Variants in C2orf80 observed in about 807,000 individuals in gnomAD.
C2orf80 encodes the protein chromosome 2 open reading frame 80.
In C2orf80, 28 loss-of-function variants were observed where a neutral mutation model predicts 30.2. The observed-to-expected ratio is 0.93, with a 90% CI of 0.69 to 1.27. The LOEUF is 1.27. Among genes scored for constraint, C2orf80 ranks in the 50% most tolerant of loss-of-function variants. The pLI, the probability that C2orf80 is intolerant of heterozygous loss-of-function variation, is 0.00. For missense variants in C2orf80, 220 were observed against 231.0 expected, an observed-to-expected ratio of 0.95 and a Z score of 0.31; for synonymous variants, 80 against 76.4, an observed-to-expected ratio of 1.05 and a Z score of -0.24.
At chr2:208,181,569 T>A (rs1696562309) in intron 4 of C2orf80, among the ~76,000 whole-genome samples, 1 of 152,142 alleles carries the variant, frequency 6.6e-6, no homozygotes. Context: ...CTGTGGTGGA[T>A]GTTGATGGTT....
chr2:208,181,138 A>G, intron 5 of C2orf80, 80 bp downstream of exon 5: 1 of 1,029,358 alleles, frequency 9.7e-7, no homozygotes, highest in African/African-American at 1.6e-5. Flanking sequence ...GTTGAAAAAT[A>G]ATGTAAATAT....
chr2:208,177,416 C>G (rs1165772174), intron 6 of C2orf80, among the ~76,000 whole-genome samples: 1 of 152,002 alleles, frequency 6.6e-6, no homozygotes, highest in Non-Finnish European at 1.5e-5. Context: ...TAACGCATGC[C>G]TGTAATTCCA....
At chr2:208,187,097 A>G (rs1696740628) in intron 1 of C2orf80, 36 bp from the exon 2 acceptor site, 1 of 969,486 alleles carries the variant, frequency 1.0e-6, no homozygotes, top group African/African-American at 1.6e-5. Flanking sequence ...TGAGTTAGGG[A>G]TGCTATCACT....
intron 6 of C2orf80, among the ~76,000 whole-genome samples, chr2:208,179,509 C>G (rs375128841): frequency 6.6e-6 from 1 of 152,188 alleles, no homozygotes; most frequent in African/African-American, 2.4e-5. Context: ...CGTTGGTGCC[C>G]CCCTTCCCCC....
chr2:208,173,608 G>A (rs1020306098), intron 6 of C2orf80, among the ~76,000 whole-genome samples: 2 of 138,634 alleles, frequency 1.4e-5, no homozygotes, highest in African/African-American at 5.4e-5. Flanking sequence ...CTGGGCGAGA[G>A]AGCGAGACTC....
intron 6 of C2orf80, among the ~76,000 whole-genome samples, chr2:208,175,215 G>T (rs1010499238): frequency 0.074 from 3,354 of 45,594 alleles, 141 homozygotes; most frequent in African/African-American, 0.34. Context: ...GAACCCCGGG[G>T]GGGGGGGGGG....
rs963632632 is a variant in C2orf80, at chr2:208,175,224, G to T, written c.367-3149C>A. Reference sequence around the variant, plus strand: ...TCACTTGAACCCCGGGGGGGGGGGGGGCGGAGGTTGCAGTGAGCCAAGATC... The same window carrying T: ...TCACTTGAACCCCGGGGGGGGGGGGTGCGGAGGTTGCAGTGAGCCAAGATC... On this transcript the variant is annotated intron_variant, in intron 6 of 8. Coordinates refer to ENST00000341287, the MANE Select transcript of C2orf80 (RefSeq NM_001099334.3). 1.3e-3 allele frequency among the ~76,000 whole-genome samples: 183 copies of T among 137,698 alleles called. 4 individuals are homozygous for T. Among genetic ancestry groups the T allele is most frequent in the African/African-American group, 4.7e-3 (176 of 37,680 alleles). The allele number at this position is 137,698 out of a possible 152,430, so 90.3% of individuals were successfully genotyped here.
chr2:208,172,308 C>T (rs573990931), intron 6 of C2orf80, among the ~76,000 whole-genome samples: 26 of 152,278 alleles, frequency 1.7e-4, no homozygotes, highest in African/African-American at 6.0e-4. Context: ...TCCTAGAATG[C>T]CCTGTCATGC....
intron 6 of C2orf80, among the ~76,000 whole-genome samples, chr2:208,177,146 T>C (rs1696380801): frequency 6.8e-6 from 1 of 147,438 alleles, no homozygotes; most frequent in Admixed American, 6.8e-5. Flanking sequence ...TACATATATA[T>C]TATATATAGT....
chr2:208,189,761 G>A, intron 1 of C2orf80, 192 bp downstream of exon 1: 1 of 599,502 alleles, frequency 1.7e-6, no homozygotes. Context: ...GCTGTCTCAG[G>A]CTTTAGCTGT....
intron 4 of C2orf80, among the ~76,000 whole-genome samples, chr2:208,181,642 A>T (rs1464310376): frequency 1.3e-5 from 2 of 152,038 alleles, no homozygotes; most frequent in Non-Finnish European, 2.9e-5. Flanking sequence ...ACCTAACCCC[A>T]CTGTAAGCCT....
At chr2:208,171,430 C>T (rs1438763658) in intron 7 of C2orf80, among the ~76,000 whole-genome samples, 1 of 151,786 alleles carries the variant, frequency 6.6e-6, no homozygotes, top group Non-Finnish European at 1.5e-5. Context: ...AAGCGATTAT[C>T]TCGCCTCAGC....
intron 6 of C2orf80, among the ~76,000 whole-genome samples, chr2:208,180,453 A>G (rs1696519373): frequency 6.6e-6 from 1 of 151,878 alleles, no homozygotes; most frequent in Non-Finnish European, 1.5e-5. Context: ...CTGTCTCAAA[A>G]AAAAAAAACA....
chr2:208,176,974 T>TACATATGTATACAGAG (rs1696360820), intron 6 of C2orf80, among the ~76,000 whole-genome samples: 1 of 76,366 alleles, frequency 1.3e-5, no homozygotes, highest in Non-Finnish European at 3.0e-5. Flanking sequence ...TGTATACATA[T>TACATATGTATACAGAG]ATACAGAAAT....
intron 6 of C2orf80, among the ~76,000 whole-genome samples, chr2:208,175,451 A>C (rs12999473): frequency 0.14 from 21,378 of 152,186 alleles, 1,819 homozygotes; most frequent in Middle Eastern, 0.25. Context: ...CTCAGGAGGG[A>C]GAACCCGAGG....
In C2orf80 at chr2:208,170,314, T is replaced by G. The variant is rs181621478; in HGVS notation, c.573+631A>C. 1.3e-3 allele frequency among the ~76,000 whole-genome samples: 204 copies of G among 152,312 alleles called. 1 individual carries two copies. The highest frequency in any genetic ancestry group is 4.6e-3 in the African/African-American group (190 of 41,586). ...TGACTTCTTAAATTTTCTCTTCACT[T>G]TGCACATTACAGCTGAGAGCCCAGA... On this transcript the variant is annotated intron_variant, in intron 8 of 8. Coordinates refer to ENST00000341287, the MANE Select transcript of C2orf80 (RefSeq NM_001099334.3).
rs556414030 is a variant in C2orf80, at chr2:208,171,995, G to A, written c.447C>T (p.Arg149=). 18 of 1,613,310 alleles carry A rather than the reference G, an allele frequency of 1.1e-5. No homozygotes were observed. The highest frequency in any genetic ancestry group is 8.3e-5 in the Admixed American group (5 of 59,990). The change falls in exon 7 of 9, where the codon CGC becomes CGT. Residue 149 remains arginine (R), a synonymous_variant. Transcript: ENST00000341287. ...LTAPKAAAYA[R]KQSVKSRKVT... Reference sequence around the variant, plus strand: ...GAAAGTAACCAGGCTTACTCTGTTTGCGGGCGTATGCTGCTGCTTTGGGTG... The same window carrying A: ...GAAAGTAACCAGGCTTACTCTGTTTACGGGCGTATGCTGCTGCTTTGGGTG...
chr2:208,185,626 C>A (rs1696695392), intron 2 of C2orf80, among the ~76,000 whole-genome samples: 2 of 151,900 alleles, frequency 1.3e-5, no homozygotes, highest in South Asian at 4.2e-4. Flanking sequence ...AAGGTGCTAC[C>A]CCGGGAATGT....
chr2:208,182,199 G>A (rs1026698875), intron 4 of C2orf80, among the ~76,000 whole-genome samples: 3 of 152,140 alleles, frequency 2.0e-5, no homozygotes, highest in Admixed American at 6.5e-5. Flanking sequence ...GAGTCTGCCT[G>A]AACACTCCCT....
Sources: allele counts gnomAD v4.1 joint callset (sites outside exome capture counted in the v4.1 genomes callset), GRCh38; gene constraint gnomAD v4.1.1; transcripts MANE v1.5; gene names NCBI Gene and HGNC (gene_info 2026-07-23, HGNC 2026-07-21).